The following RP1 variants were observed in gnomAD, a reference collection of about 807,000 sequenced individuals.
RP1 encodes the protein oxygen-regulated protein 1.
In RP1, 16 loss-of-function variants were observed where a neutral mutation model predicts 14.8. That is an observed-to-expected ratio of 1.08 (90% confidence interval 0.73 to 1.65). The LOEUF (loss-of-function observed/expected upper bound fraction) is 1.65, where lower values mean the gene tolerates loss of function less well. Ranked by LOEUF, RP1 falls within the 40% of genes most tolerant of loss-of-function variation. The pLI is 0.00. For missense variants in RP1, 2,631 were observed against 2,535.0 expected (o/e 1.04, Z -0.81); for synonymous variants, 876 against 883.6 (o/e 0.99, Z 0.15).
intron 24 of RP1, among the ~76,000 whole-genome samples, chr8:54,824,647 A>T (rs1329957251): frequency 6.6e-6 from 1 of 152,240 alleles, no homozygotes; most frequent in Non-Finnish European, 1.5e-5. Flanking sequence ...ATGAGTATAG[A>T]TACAAAAGTC....
At chr8:54,818,775 T>G (rs1342895952) in intron 24 of RP1, among the ~76,000 whole-genome samples, 1 of 152,194 alleles carries the variant, frequency 6.6e-6, no homozygotes, top group Non-Finnish European at 1.5e-5. Context: ...TTTCTTTAAG[T>G]GAGAAAACCT....
At chr8:54,725,875 T>A (rs1808642568) in intron 16 of RP1, among the ~76,000 whole-genome samples, 1 of 152,218 alleles carries the variant, frequency 6.6e-6, no homozygotes, top group Non-Finnish European at 1.5e-5. Flanking sequence ...AACAACTTGC[T>A]TCTAAGTAAA....
chr8:54,645,860 A>G (rs1202600747), intron 3 of RP1, among the ~76,000 whole-genome samples: 1 of 152,132 alleles, frequency 6.6e-6, no homozygotes, highest in Non-Finnish European at 1.5e-5. Context: ...TAGAGGATAT[A>G]GGATTATTCA....
intron 6 of RP1, among the ~76,000 whole-genome samples, chr8:54,657,583 G>A (rs528852590): frequency 3.5e-4 from 54 of 152,146 alleles, no homozygotes; most frequent in African/African-American, 1.3e-3. Context: ...TGTCTGAAAT[G>A]ATATCATTAC....
intron 12 of RP1, among the ~76,000 whole-genome samples, chr8:54,689,217 G>A: frequency 6.6e-6 from 1 of 152,172 alleles, no homozygotes; most frequent in Admixed American, 6.6e-5. Flanking sequence ...TTTGGGCTGA[G>A]ATGATGGGGT....
intron 2 of RP1, among the ~76,000 whole-genome samples, 188 bp downstream of exon 2, chr8:54,621,769 C>A (rs1442228701): frequency 6.6e-6 from 1 of 152,154 alleles, no homozygotes; most frequent in African/African-American, 2.4e-5. Flanking sequence ...CTCATCTTTC[C>A]CTCATGCTAC....
intron 12 of RP1, chr8:54,697,211 A>G (rs1563350901): frequency 1.5e-6 from 1 of 681,018 alleles, no homozygotes; most frequent in South Asian, 1.6e-5. Flanking sequence ...TATCCAGAGA[A>G]GATTATTTCC....
chr8:54,745,890 A>T (rs768232878), intron 19 of RP1, among the ~76,000 whole-genome samples: 11 of 152,210 alleles, frequency 7.2e-5, no homozygotes, highest in Non-Finnish European at 1.6e-4. Flanking sequence ...CATCAGAGCT[A>T]AAGCAAAAGT....
intron 1 of RP1, among the ~76,000 whole-genome samples, chr8:54,608,836 T>C (rs1329925466): frequency 6.6e-6 from 1 of 152,190 alleles, no homozygotes; most frequent in Non-Finnish European, 1.5e-5. Flanking sequence ...GTAAAGTGTA[T>C]TTGGGCTGAG....
At chr8:54,587,973 G>A (rs909975945) in intron 1 of RP1, among the ~76,000 whole-genome samples, 3 of 152,080 alleles carry the variant, frequency 2.0e-5, no homozygotes, top group African/African-American at 7.2e-5. Flanking sequence ...ATCCTGTCTT[G>A]CAAATTTCTC....
intron 24 of RP1, among the ~76,000 whole-genome samples, chr8:54,832,629 T>C (rs780035572): frequency 6.6e-5 from 10 of 151,972 alleles, no homozygotes; most frequent in Non-Finnish European, 1.2e-4. Flanking sequence ...AACTCCTTTT[T>C]TTATTGACAT....
In RP1 at chr8:54,704,845, TAC is replaced by T. The variant is rs58308617; in HGVS notation, c.1999-1586_1999-1585del. On this transcript the variant is annotated intron_variant, in intron 14 of 22. Coordinates refer to the RP1 transcript ENST00000636932. ...TACTCAAATGTAACTATTACATGTA[TAC>T]ACACACACACATATGTCTTTTTTGT... 3.0e-3 allele frequency among the ~76,000 whole-genome samples: 448 copies of T among 151,372 alleles called. 3 individuals carry two copies. Among genetic ancestry groups the T allele is most frequent in the African/African-American group, 0.011 (433 of 40,834 alleles).
At chr8:54,605,937 G>T (rs1345687478) in intron 1 of RP1, among the ~76,000 whole-genome samples, 1 of 114,004 alleles carries the variant, frequency 8.8e-6, no homozygotes, top group African/African-American at 4.5e-5. Flanking sequence ...GTGTGTCTCT[G>T]CACATGATGA....
At chr8:54,815,721 C>CAG (rs1811120513) in intron 24 of RP1, among the ~76,000 whole-genome samples, 1 of 151,758 alleles carries the variant, frequency 6.6e-6, no homozygotes, top group African/African-American at 2.4e-5. Flanking sequence ...TGTGTGTGTG[C>CAG]AGAGAGAGAG....
intron 1 of RP1, among the ~76,000 whole-genome samples, chr8:54,609,215 GT>G (rs1337665025): frequency 2.4e-4 from 37 of 152,142 alleles, no homozygotes; most frequent in African/African-American, 8.7e-4. Flanking sequence ...TTTTACATTT[GT>G]GTGGGAGGCC....
chr8:54,619,971 G>A (rs1487188732), intron 1 of RP1, among the ~76,000 whole-genome samples: 1 of 152,084 alleles, frequency 6.6e-6, no homozygotes, highest in Non-Finnish European at 1.5e-5. Context: ...AGGATATGAA[G>A]GACTAAATTG....
intron 24 of RP1, among the ~76,000 whole-genome samples, chr8:54,798,333 T>C (rs1810623451): frequency 6.6e-6 from 1 of 152,090 alleles, no homozygotes; most frequent in African/African-American, 2.4e-5. Context: ...TCCTGAAGTA[T>C]AGGAGAAACC....
intron 21 of RP1, among the ~76,000 whole-genome samples, chr8:54,758,413 C>T (rs1303431076): frequency 1.6e-5 from 2 of 123,248 alleles, no homozygotes; most frequent in East Asian, 2.6e-4. Flanking sequence ...TTTTCATCTA[C>T]AGAGGAAGGT....
At chr8:54,677,666 A>G (rs1227584420) in intron 8 of RP1, among the ~76,000 whole-genome samples, 1 of 152,150 alleles carries the variant, frequency 6.6e-6, no homozygotes, top group Non-Finnish European at 1.5e-5. Flanking sequence ...GTTCAAGGCT[A>G]TGGTGAACTG....
Sources: allele counts gnomAD v4.1 joint callset (sites outside exome capture counted in the v4.1 genomes callset), GRCh38; gene constraint gnomAD v4.1.1; transcripts MANE v1.5; gene names NCBI Gene and HGNC (gene_info 2026-07-23, HGNC 2026-07-21).